SORCS2: variants seen among roughly 807,000 people sequenced by gnomAD.
The protein encoded by SORCS2 is sortilin related VPS10 domain containing receptor 2.
Under a neutral mutation model 141.6 loss-of-function variants are expected in SORCS2, and 100 were observed. The ratio of observed to expected loss-of-function variants is 0.71; its 90% CI spans 0.60 to 0.83. SORCS2 has a LOEUF of 0.83. Among genes scored for constraint, SORCS2 ranks in the 40% least tolerant of loss-of-function variants. The probability of loss-of-function intolerance (pLI) is 0.00; values close to 1 mark genes in which losing one functional copy is unlikely to be tolerated. For missense variants in SORCS2, 1,646 were observed against 1,560.2 expected, an observed-to-expected ratio of 1.05 and a Z score of -0.93; for synonymous variants, 789 against 676.9, an observed-to-expected ratio of 1.17 and a Z score of -2.57.
chr4:7,519,902 C>T (rs915141109), intron 2 of SORCS2, among the ~76,000 whole-genome samples: 2 of 152,240 alleles, frequency 1.3e-5, no homozygotes, highest in Admixed American at 6.5e-5. Context: ...CTGGGCTCCC[C>T]TGTTAAGCAG....
chr4:7,568,427 C>T (rs576868535), intron 3 of SORCS2, among the ~76,000 whole-genome samples: 37 of 152,280 alleles, frequency 2.4e-4, no homozygotes, highest in Middle Eastern at 3.4e-3. Context: ...TTTCATTCTT[C>T]ACCACTGCTT....
Position 7,712,788 on chromosome 4 carries a change from C to T in SORCS2, c.1924C>T (p.Arg642Trp), listed in dbSNP as rs373516909. The T allele has an allele frequency of 9.9e-6, 16 of 1,613,758 alleles. No individual in the cohort carries two copies. The highest frequency in any genetic ancestry group is 3.3e-5 in the Admixed American group (2 of 59,996). ...TTGGGAGCTGGTCAAGGTGGACTTC[C>T]GGCCCTCATTCTCCAGGCAGTGCGG... is the stretch of plus-strand genomic sequence containing the variant. Reference protein sequence around the residue: ...SDWELVKVDFRPSFSRQCGEE... With the variant: ...SDWELVKVDFWPSFSRQCGEE... Residue 642 changes from arginine (R) to tryptophan (W), a missense_variant, in exon 15 of 27, where the codon CGG becomes TGG. By Grantham distance (101) the Arg-to-Trp change is moderately radical (BLOSUM62 -3). Coordinates refer to ENST00000507866, the MANE Select transcript of SORCS2 (RefSeq NM_020777.3).
At chr4:7,348,580 T>G (rs980280770) in intron 1 of SORCS2, among the ~76,000 whole-genome samples, 3 of 152,202 alleles carry the variant, frequency 2.0e-5, no homozygotes. Flanking sequence ...AGATGGAGTT[T>G]CACTCTTGTT....
intron 4 of SORCS2, among the ~76,000 whole-genome samples, chr4:7,651,803 C>A (rs1460472360): frequency 6.6e-6 from 1 of 152,222 alleles, no homozygotes; most frequent in Non-Finnish European, 1.5e-5. Context: ...TGGGCCAGGG[C>A]CTGTTCCTCA....
In SORCS2 at chr4:7,543,751, C is replaced by T. The variant is rs865925217; in HGVS notation, c.648+12122C>T. On this transcript the variant is annotated intron_variant, in intron 3 of 26. Coordinates refer to ENST00000507866, the MANE Select transcript of SORCS2 (RefSeq NM_020777.3). ...ACCCATCCACCCATCCACCCATCCACCCATCCACCCACCCATCCGTCCATC... is the reference window on the plus strand; with the variant it reads ...ACCCATCCACCCATCCACCCATCCATCCATCCACCCACCCATCCGTCCATC... Among the ~76,000 whole-genome samples, 87 of 20,260 alleles carry T rather than the reference C, an allele frequency of 4.3e-3. 1 individual carries two copies. Among genetic ancestry groups the T allele is most frequent in the Admixed American group, 5.7e-3 (11 of 1,914 alleles). The allele number at this position is 20,260 out of a possible 152,430, so 13.3% of individuals were successfully genotyped here.
chr4:7,346,875 C>T (rs1720681613), intron 1 of SORCS2, among the ~76,000 whole-genome samples: 1 of 152,130 alleles, frequency 6.6e-6, no homozygotes, highest in Non-Finnish European at 1.5e-5. Flanking sequence ...TCATAACATT[C>T]ATCAAACTGT....
chr4:7,679,769 T>A (rs1310763235), intron 9 of SORCS2, among the ~76,000 whole-genome samples: 2 of 131,426 alleles, frequency 1.5e-5, no homozygotes, highest in African/African-American at 2.9e-5. Context: ...TTTTTTTTTT[T>A]ACAGCAGATG....
At chr4:7,706,759 C>T (rs1444770258) in intron 14 of SORCS2, among the ~76,000 whole-genome samples, 1 of 149,490 alleles carries the variant, frequency 6.7e-6, no homozygotes, top group Non-Finnish European at 1.5e-5. Context: ...AGGCTGGGCT[C>T]TGCCTGGACA....
chr4:7,527,054 G>A (rs1178213218), intron 2 of SORCS2, among the ~76,000 whole-genome samples: 1 of 152,222 alleles, frequency 6.6e-6, no homozygotes, highest in African/African-American at 2.4e-5. Flanking sequence ...CTGCGGGTCA[G>A]TGGTGCTGCC....
chr4:7,636,091 G>A (rs1720228819), intron 3 of SORCS2, among the ~76,000 whole-genome samples: 1 of 152,240 alleles, frequency 6.6e-6, no homozygotes, highest in African/African-American at 2.4e-5. Context: ...CAGGAAAGCT[G>A]TGCTCATCTT....
At chr4:7,226,512 G>C (rs1028507797) in intron 1 of SORCS2, among the ~76,000 whole-genome samples, 6 of 152,140 alleles carry the variant, frequency 3.9e-5, no homozygotes, top group Non-Finnish European at 8.8e-5. Context: ...TGGGGGGAAT[G>C]TATGAGGGGA....
chr4:7,572,022 C>T (rs977009008), intron 3 of SORCS2, among the ~76,000 whole-genome samples: 1 of 152,160 alleles, frequency 6.6e-6, no homozygotes. Flanking sequence ...CTGTGCTTTG[C>T]CCCTACGTAT....
At chr4:7,277,721 G>T (rs952997681) in intron 1 of SORCS2, among the ~76,000 whole-genome samples, 3 of 152,220 alleles carry the variant, frequency 2.0e-5, no homozygotes, top group African/African-American at 7.2e-5. Flanking sequence ...TGGCCAGTCA[G>T]CCTCTGGAGG....
chr4:7,473,192 A>G lies in SORCS2; in HGVS notation c.549-58338A>G, dbSNP rs73088042. Among the ~76,000 whole-genome samples the G allele has an allele frequency of 1.7e-3, 252 of 152,362 alleles. 1 individual carries two copies. The highest frequency in any genetic ancestry group is 5.6e-3 in the African/African-American group (233 of 41,586). On this transcript the variant is annotated intron_variant, in intron 2 of 26. Coordinates refer to ENST00000507866, the MANE Select transcript of SORCS2 (RefSeq NM_020777.3). ...TGCTTCCAGAACAAACATCCCATCA[A>G]TAAAACATCCACAAATATGTGTTTG...
intron 3 of SORCS2, among the ~76,000 whole-genome samples, chr4:7,573,754 G>A (rs1020883320): frequency 6.6e-5 from 10 of 152,348 alleles, no homozygotes; most frequent in African/African-American, 1.7e-4. Context: ...AGGGGCCAGA[G>A]GCCAGAGCCC....
chr4:7,477,655 G>T (rs572733664), intron 2 of SORCS2, among the ~76,000 whole-genome samples: 27 of 152,312 alleles, frequency 1.8e-4, no homozygotes, highest in Admixed American at 4.6e-4. Flanking sequence ...TTCCCGAGGG[G>T]GCACAGAAGG....
chr4:7,366,481 CT>C (rs1721901189), intron 1 of SORCS2, among the ~76,000 whole-genome samples: 1 of 55,070 alleles, frequency 1.8e-5, no homozygotes, highest in African/African-American at 5.7e-5. Context: ...CCCTCCCCCC[CT>C]CTCTCCCCCA....
intron 1 of SORCS2, among the ~76,000 whole-genome samples, chr4:7,353,693 G>A (rs528612927): frequency 2.6e-5 from 4 of 152,182 alleles, no homozygotes; most frequent in Non-Finnish European, 5.9e-5. Context: ...AGGCAGCCCT[G>A]ACTGCTTTAT....
At chr4:7,401,017 T>G (rs1471450903) in intron 2 of SORCS2, among the ~76,000 whole-genome samples, 10 of 131,734 alleles carry the variant, frequency 7.6e-5, no homozygotes, top group South Asian at 2.4e-4. Context: ...ATAGATGAAT[T>G]GATGGACAGG....
Sources: allele counts gnomAD v4.1 joint callset (sites outside exome capture counted in the v4.1 genomes callset), GRCh38; gene constraint gnomAD v4.1.1; transcripts MANE v1.5; gene names NCBI Gene and HGNC (gene_info 2026-07-23, HGNC 2026-07-21).